Variants in PCDH11X observed in about 807,000 individuals in gnomAD.
PCDH11X encodes the protein protocadherin-11 X-linked.
In PCDH11X, 18 loss-of-function variants were observed where a neutral mutation model predicts 53.3. The ratio of observed to expected loss-of-function variants is 0.34; its 90% CI spans 0.23 to 0.50. The LOEUF (loss-of-function observed/expected upper bound fraction) is 0.50, where lower values mean the gene tolerates loss of function less well. Among genes scored for constraint, PCDH11X ranks in the 20% least tolerant of loss-of-function variants. PCDH11X has a pLI of 0.98. For missense variants in PCDH11X, 570 were observed against 1,032.4 expected (o/e 0.55, Z 6.14); for synonymous variants, 279 against 393.3 (o/e 0.71, Z 3.44).
intron 9 of PCDH11X, among the ~76,000 whole-genome samples, chrX:92,403,785 T>C: frequency 8.9e-6 from 1 of 111,768 alleles, no homozygotes; most frequent in South Asian, 3.7e-4. Flanking sequence ...CAAAGCTTTG[T>C]CTTCTGGATA....
chrX:92,365,855 C>A (rs1313205836), intron 8 of PCDH11X, among the ~76,000 whole-genome samples: 2 of 108,836 alleles, frequency 1.8e-5, no homozygotes, highest in African/African-American at 3.4e-5. Context: ...GGTGGATAAG[C>A]TTTTTGATGT....
intron 8 of PCDH11X, among the ~76,000 whole-genome samples, chrX:92,284,535 T>C (rs1177498060): frequency 4.5e-5 from 5 of 112,265 alleles, no homozygotes; most frequent in African/African-American, 1.6e-4. Context: ...AAGATAGTTC[T>C]GAGAAAGAGG....
chrX:92,462,305 A>T (rs2073065138), intron 9 of PCDH11X, among the ~76,000 whole-genome samples: 1 of 110,751 alleles, frequency 9.0e-6, no homozygotes, highest in African/African-American at 3.3e-5. Context: ...CAATGTACAG[A>T]TTGTACATTA....
chrX:92,545,417 T>C (rs1422458574), intron 10 of PCDH11X, among the ~76,000 whole-genome samples: 1 of 76,010 alleles, frequency 1.3e-5, no homozygotes, highest in African/African-American at 4.2e-5. Flanking sequence ...TTTTTTTGTT[T>C]TTGAGGCGGA....
chrX:92,207,703 G>A (rs1401455179), intron 7 of PCDH11X, among the ~76,000 whole-genome samples: 1 of 111,423 alleles, frequency 9.0e-6, no homozygotes, highest in Non-Finnish European at 1.9e-5. Flanking sequence ...TATGGGAGTG[G>A]GGAATGGACT....
chrX:91,994,732 A>G (rs1444365557), intron 6 of PCDH11X, among the ~76,000 whole-genome samples: 1 of 111,281 alleles, frequency 9.0e-6, no homozygotes, highest in Non-Finnish European at 1.9e-5. Context: ...ACTGTTTTCC[A>G]TAATGGCTGT....
chrX:92,038,183 T>A (rs1194680019), intron 6 of PCDH11X, among the ~76,000 whole-genome samples: 1 of 111,279 alleles, frequency 9.0e-6, no homozygotes. Context: ...CTACAGAAAT[T>A]TGCACAAGTA....
chrX:92,335,966 G>A (rs542777453), intron 8 of PCDH11X, among the ~76,000 whole-genome samples: 1 of 111,152 alleles, frequency 9.0e-6, no homozygotes, highest in South Asian at 3.8e-4. Context: ...TAGTAGCAAA[G>A]CTATAATCAA....
chrX:92,084,095 A>C, intron 6 of PCDH11X, among the ~76,000 whole-genome samples: 1 of 77,588 alleles, frequency 1.3e-5, no homozygotes, highest in Non-Finnish European at 2.4e-5. Context: ...TGTCAAAAAC[A>C]ACAACAACAA....
chrX:91,941,398 G>C (rs1390541393), intron 6 of PCDH11X, among the ~76,000 whole-genome samples: 2 of 110,984 alleles, frequency 1.8e-5, no homozygotes, highest in African/African-American at 6.5e-5. Context: ...ATAGTTAAAA[G>C]AAGTAGAAAT....
At chrX:92,160,156 C>CTT (rs1314124500) in intron 6 of PCDH11X, among the ~76,000 whole-genome samples, 6,140 of 102,855 alleles carry the variant, frequency 0.06, 549 homozygotes, top group African/African-American at 0.21. Context: ...TGTTTTTTTT[C>CTT]TTTTTTTTTT....
At chrX:92,261,103 G>A (rs1292299928) in intron 7 of PCDH11X, among the ~76,000 whole-genome samples, 2 of 109,142 alleles carry the variant, frequency 1.8e-5, no homozygotes, top group Non-Finnish European at 3.8e-5. Flanking sequence ...TAATCAAATC[G>A]GGTATCAATT....
At chrX:91,964,481 A>C (rs138047348) in intron 6 of PCDH11X, among the ~76,000 whole-genome samples, 1 of 111,500 alleles carries the variant, frequency 9.0e-6, no homozygotes, top group African/African-American at 3.3e-5. Flanking sequence ...TCGTGTTAAC[A>C]TGATGGTGCT....
At chrX:92,171,442 G>T (rs776164339) in intron 6 of PCDH11X, among the ~76,000 whole-genome samples, 3 of 110,925 alleles carry the variant, frequency 2.7e-5, no homozygotes. Context: ...CAGCTTAAGC[G>T]TATCAATTTC....
At chrX:91,846,414 G>C (rs1007869119) in intron 5 of PCDH11X, among the ~76,000 whole-genome samples, 1 of 110,057 alleles carries the variant, frequency 9.1e-6, no homozygotes, top group African/African-American at 3.3e-5. Context: ...TCAGGAGATT[G>C]AGACCATCCT....
intron 8 of PCDH11X, among the ~76,000 whole-genome samples, chrX:92,283,142 C>T (rs949489529): frequency 2.7e-5 from 3 of 110,951 alleles, no homozygotes; most frequent in Admixed American, 1.9e-4. Context: ...CATGATAATT[C>T]CAATTAGGAT....
intron 6 of PCDH11X, among the ~76,000 whole-genome samples, chrX:92,088,931 A>C (rs2064003392): frequency 9.1e-6 from 1 of 110,184 alleles, no homozygotes; most frequent in Non-Finnish European, 1.9e-5. Flanking sequence ...AATTACCAAA[A>C]CAAAACAAAA....
At chrX:92,479,084 T>C (rs1178020357) in intron 10 of PCDH11X, among the ~76,000 whole-genome samples, 1 of 112,026 alleles carries the variant, frequency 8.9e-6, no homozygotes, top group African/African-American at 3.2e-5. Flanking sequence ...AAGGTCTTCT[T>C]GTTGAATTGA....
chrX:92,070,996 G>A (rs1348814389), intron 6 of PCDH11X, among the ~76,000 whole-genome samples: 2 of 108,638 alleles, frequency 1.8e-5, no homozygotes, highest in Non-Finnish European at 3.8e-5. Flanking sequence ...TAGTAAAGAT[G>A]GGGTTTCACC....
Sources: gnomAD v4.1 joint callset for allele counts (sites outside exome capture counted in the v4.1 genomes callset) on GRCh38, gnomAD v4.1.1 for gene constraint, MANE v1.5 for transcripts, NCBI Gene and HGNC (gene_info 2026-07-23, HGNC 2026-07-21) for gene names.